Variants in MUTYH observed in about 807,000 individuals in gnomAD.
MUTYH encodes adenine DNA glycosylase.
In MUTYH, 64 loss-of-function variants were observed where a neutral mutation model predicts 72.9. The ratio of observed to expected loss-of-function variants is 0.88; its 90% CI spans 0.72 to 1.08. The LOEUF (loss-of-function observed/expected upper bound fraction) is 1.08. Ranked by LOEUF, MUTYH falls within the 50% of genes least tolerant of loss-of-function variation. The probability of loss-of-function intolerance (pLI) is 0.00; values close to 1 mark genes in which losing one functional copy is unlikely to be tolerated. For missense variants in MUTYH, 633 were observed against 671.0 expected, an observed-to-expected ratio of 0.94 and a Z score of 0.63; for synonymous variants, 234 against 263.1, an observed-to-expected ratio of 0.89 and a Z score of 1.07.
chr1:45,340,253 A>G (rs865954220), upstream of MUTYH: 8 of 1,613,602 alleles, frequency 5.0e-6, no homozygotes, highest in East Asian at 4.5e-5. Flanking sequence ...GAGCGGTGTC[A>G]TGGCCGCCGA....
At chr1:45,331,930 C>T (rs1245299735) in intron 11 of MUTYH, 81 bp from the exon 12 acceptor site, 1 of 1,612,266 alleles carries the variant, frequency 6.2e-7, no homozygotes, top group Non-Finnish European at 8.5e-7. Flanking sequence ...TGGCCGGGTT[C>T]TGCAGAATCT....
At chr1:45,333,226 A>G in intron 4 of MUTYH, 56 bp from the exon 5 acceptor site, 1 of 1,614,090 alleles carries the variant, frequency 6.2e-7, no homozygotes, top group Admixed American at 1.7e-5. Context: ...CCTGGCCCAC[A>G]GCCCCCAGAC....
Position 45,331,354 on chromosome 1 carries a change from G to A in MUTYH, c.1240-20C>T, listed in dbSNP as rs184154021. ...GACAACCTGGAGGAAGGGTCAAGGGGTTCAAATAGGCCTGTGGATATAGCC... is the reference window on the plus strand; with the variant it reads ...GACAACCTGGAGGAAGGGTCAAGGGATTCAAATAGGCCTGTGGATATAGCC... On this transcript the variant is annotated intron_variant, in intron 13 of 15. Coordinates refer to ENST00000456914, the MANE Select transcript of MUTYH (RefSeq NM_001048174.2). 78 of 1,614,192 alleles carry A rather than the reference G, an allele frequency of 4.8e-5. No individual in the cohort carries two copies. In the East Asian group the frequency reaches 1.7e-3, roughly 35 times the overall value.
chr1:45,333,695 G>A, intron 2 of MUTYH, 134 bp from the exon 3 acceptor site: 2 of 1,321,020 alleles, frequency 1.5e-6, no homozygotes, highest in Middle Eastern at 2.7e-4. Flanking sequence ...TTTGGAGCTG[G>A]AGTCAGACCA....
chr1:45,338,748 T>TTC (rs1557508772), intron 1 of MUTYH: 2 of 90,086 alleles, frequency 2.2e-5, no homozygotes, highest in Admixed American at 2.1e-4. Context: ...ATTTTTGTTT[T>TTC]TTTTTTGTTT....
chr1:45,340,187 G>A (rs1470256251), upstream of MUTYH: 2 of 1,612,896 alleles, frequency 1.2e-6, no homozygotes, highest in African/African-American at 1.3e-5. Context: ...TGCCTGAACC[G>A]CGCCAGGAGA....
chr1:45,332,351 C>T (rs769313208), intron 9 of MUTYH, 40 bp downstream of exon 9: 1 of 1,614,110 alleles, frequency 6.2e-7, no homozygotes, highest in South Asian at 1.1e-5. Flanking sequence ...AGCTCCTTTG[C>T]AGACACCCCT....
chr1:45,338,744 G>GTTTTTTTTTTTTTTT, intron 1 of MUTYH: 1 of 96,556 alleles, frequency 1.0e-5, no homozygotes, highest in East Asian at 1.9e-4. Flanking sequence ...TTTTATTTTT[G>GTTTTTTTTTTTTTTT]TTTTTTTTTT....
rs587780752 is a variant in MUTYH, at chr1:45,332,036, G to T, written c.900C>A (p.Asp300Glu). ...LASGSLSGSP[D>E]VEECAPNTGQ... Reference sequence around the variant, plus strand: ...TTTGGTGCTCACCACACTCCTCCACGTCAGGACTGCCCGACAGGCTCCCTG... The same window carrying T: ...TTTGGTGCTCACCACACTCCTCCACTTCAGGACTGCCCGACAGGCTCCCTG... Residue 300 changes from aspartate to glutamate, a missense_variant, in exon 11 of 16, where the codon GAC becomes GAA. Transcript: ENST00000456914. The T allele has an allele frequency of 6.2e-7, 1 of 1,614,092 alleles. No individual in the cohort carries two copies. The highest frequency in any genetic ancestry group is 8.5e-7 in the Non-Finnish European group (1 of 1,180,040).
chr1:45,340,380 A>G (rs547694371), upstream of MUTYH: 4 of 1,554,542 alleles, frequency 2.6e-6, no homozygotes, highest in African/African-American at 1.4e-5. Flanking sequence ...TCATAGTTCT[A>G]GAGGCTCCTC....
rs2149161933 is a variant in MUTYH at position 45,332,964 on chromosome 1, A to G, written c.379-5T>C. On this transcript the variant is annotated splice_region_variant and splice_polypyrimidine_tract_variant and intron_variant, in intron 5 of 15. Transcript: ENST00000456914. ...GTCCTGCAGTGTAGGCCACTTCTAT[A>G]GCCACAGGCAGGCAGAAAGAGACAA... is the stretch of plus-strand genomic sequence containing the variant. 6.2e-7 allele frequency: 1 copy of G among 1,614,108 alleles called. No homozygotes were observed. The highest frequency in any genetic ancestry group is 8.5e-7 in the Non-Finnish European group (1 of 1,180,010).
Position 45,331,186 on chromosome 1 carries a change from T to A in MUTYH, c.1388A>T (p.Lys463Ile). The change falls in exon 14 of 16, where the codon AAA becomes ATA. Residue 463 changes from lysine to isoleucine, a missense_variant. Coordinates refer to ENST00000456914, the MANE Select transcript of MUTYH (RefSeq NM_001048174.2). ...FHTAAVSTAM[K>I]KVFRVYQGQQ... is the part of the protein sequence containing the mutation. ...CAAAGACAACAAAGGTAGTGCCTTT[T>A]TCATGGCGGTGGAAACAGCTGCGGT... 6.2e-7 allele frequency: 1 copy of A among 1,614,228 alleles called. No homozygotes were observed. The highest frequency in any genetic ancestry group is 8.5e-7 in the Non-Finnish European group (1 of 1,180,038).
chr1:45,340,203 C>A, upstream of MUTYH: 1 of 1,613,624 alleles, frequency 6.2e-7, no homozygotes, highest in Non-Finnish European at 8.5e-7. Flanking sequence ...GGAGACGGAC[C>A]GCAAGTCCAG....
upstream of MUTYH, chr1:45,340,340 TGC>T: frequency 3.1e-6 from 5 of 1,597,648 alleles, no homozygotes; most frequent in Non-Finnish European, 4.3e-6. Context: ...TCAAAGCCTC[TGC>T]GCTCTGGGAG....
At chr1:45,331,379 C>T (rs1644808708) in intron 13 of MUTYH, 41 bp downstream of exon 13, 3 of 1,614,218 alleles carry the variant, frequency 1.9e-6, no homozygotes, top group African/African-American at 2.7e-5. Context: ...TGGATATAGC[C>T]TCAAAAGCCA....
chr1:45,330,721 G>A (rs948736847), intron 14 of MUTYH, among the ~76,000 whole-genome samples, 164 bp from the exon 15 acceptor site: 2 of 151,844 alleles, frequency 1.3e-5, no homozygotes, highest in African/African-American at 2.4e-5. Flanking sequence ...AGGCCAAGTC[G>A]GGTGGATCAC....
At chr1:45,330,370 G>C in intron 15 of MUTYH, 146 bp downstream of exon 15, 1 of 943,598 alleles carries the variant, frequency 1.1e-6, no homozygotes, top group Non-Finnish European at 1.7e-6. Flanking sequence ...ACCCCACAAT[G>C]GAAGGTCTCC....
intron 15 of MUTYH, among the ~76,000 whole-genome samples, 196 bp from the exon 16 acceptor site, chr1:45,329,633 TG>T (rs1644434724): frequency 6.6e-6 from 1 of 152,128 alleles, no homozygotes; most frequent in Non-Finnish European, 1.5e-5. Context: ...GGAATCGAAT[TG>T]TCCTAAAAAT....
At chr1:45,340,159 C>A, upstream of MUTYH, 1 of 1,600,868 alleles carries the variant, frequency 6.2e-7, no homozygotes, top group Non-Finnish European at 8.5e-7. Context: ...GACGGCGAGA[C>A]CCCGCCCCAT....
Sources: allele counts gnomAD v4.1 joint callset (sites outside exome capture counted in the v4.1 genomes callset), GRCh38; gene constraint gnomAD v4.1.1; transcripts MANE v1.5; gene names NCBI Gene and HGNC (gene_info 2026-07-23, HGNC 2026-07-21).